Variants in NMNAT3 observed in about 807,000 individuals in gnomAD.
NMNAT3 encodes the protein nicotinamide nucleotide adenylyltransferase 3, also known as nicotinamide/nicotinic acid mononucleotide adenylyltransferase 3.
Under a neutral mutation model 24.8 loss-of-function variants are expected in NMNAT3, and 21 were observed. The ratio of observed to expected loss-of-function variants is 0.85; its 90% CI spans 0.60 to 1.22. The LOEUF is 1.22. NMNAT3 is among the 50% of genes most tolerant of loss of function. NMNAT3 has a pLI of 0.00. For missense variants in NMNAT3, 387 were observed against 436.6 expected, an observed-to-expected ratio of 0.89 and a Z score of 1.01; for synonymous variants, 136 against 155.2, an observed-to-expected ratio of 0.88 and a Z score of 0.92.
At chr3:139,621,586 G>A (rs2055776229) in intron 3 of NMNAT3, among the ~76,000 whole-genome samples, 1 of 152,104 alleles carries the variant, frequency 6.6e-6, no homozygotes, top group Admixed American at 6.5e-5. Context: ...TGGCCAGGTT[G>A]GTCTTCAACT....
intron 6 of NMNAT3, chr3:139,570,172 G>A (rs575272433): frequency 1.6e-4 from 24 of 152,200 alleles, no homozygotes; most frequent in African/African-American, 5.5e-4. Flanking sequence ...GGTAGCTCTC[G>A]TGCCTTGGTT....
chr3:139,612,252 A>G (rs1026951630), intron 3 of NMNAT3, among the ~76,000 whole-genome samples: 6 of 152,058 alleles, frequency 3.9e-5, no homozygotes, highest in Non-Finnish European at 5.9e-5. Context: ...AAATCAGGGA[A>G]CCGAGTCTAA....
chr3:139,610,519 C>A (rs577940775), intron 3 of NMNAT3, among the ~76,000 whole-genome samples: 201 of 152,288 alleles, frequency 1.3e-3, no homozygotes, highest in Non-Finnish European at 2.3e-3. Flanking sequence ...CCAGAAAAAT[C>A]TTTTAAGTTA....
chr3:139,579,126 A>G, intron 4 of NMNAT3, 71 bp from the exon 5 acceptor site: 1 of 1,334,658 alleles, frequency 7.5e-7, no homozygotes. Flanking sequence ...GAATTCAGGC[A>G]GGTGCTAAAT....
At chr3:139,606,922 C>T (rs927920976) in intron 3 of NMNAT3, among the ~76,000 whole-genome samples, 25 of 152,176 alleles carry the variant, frequency 1.6e-4, no homozygotes, top group African/African-American at 5.3e-4. Context: ...TTACATTCTC[C>T]CATCATTTAA....
chr3:139,646,071 G>A (rs2056860909), intron 1 of NMNAT3, among the ~76,000 whole-genome samples: 1 of 152,156 alleles, frequency 6.6e-6, no homozygotes, highest in East Asian at 1.9e-4. Flanking sequence ...AAAGCAACTT[G>A]CCTTTGGGAT....
intron 3 of NMNAT3, among the ~76,000 whole-genome samples, chr3:139,605,401 C>A (rs2054898172): frequency 6.6e-6 from 1 of 152,052 alleles, no homozygotes; most frequent in Non-Finnish European, 1.5e-5. Flanking sequence ...AGGGTATAAA[C>A]CCACTTCACA....
At chr3:139,597,828 G>C (rs1462401110) in intron 3 of NMNAT3, among the ~76,000 whole-genome samples, 1 of 152,164 alleles carries the variant, frequency 6.6e-6, no homozygotes, top group Non-Finnish European at 1.5e-5. Flanking sequence ...TCCTCTGCCT[G>C]TGCTATCTAC....
At chr3:139,593,443 G>C (rs2054295818) in intron 3 of NMNAT3, among the ~76,000 whole-genome samples, 1 of 152,140 alleles carries the variant, frequency 6.6e-6, no homozygotes, top group African/African-American at 2.4e-5. Context: ...ATTGAACTCA[G>C]CTCTGCACCA....
chr3:139,667,039 T>C (rs150094387), intron 1 of NMNAT3, among the ~76,000 whole-genome samples: 42 of 152,354 alleles, frequency 2.8e-4, no homozygotes, highest in African/African-American at 9.4e-4. Flanking sequence ...TTGGCTATTA[T>C]GAATAGTACC....
intron 3 of NMNAT3, among the ~76,000 whole-genome samples, chr3:139,606,842 G>A (rs940833333): frequency 6.6e-6 from 1 of 152,048 alleles, no homozygotes; most frequent in African/African-American, 2.4e-5. Context: ...TTCTCATTAT[G>A]TATTTTGTTC....
intron 3 of NMNAT3, chr3:139,599,320 G>A: frequency 1.4e-6 from 1 of 702,484 alleles, no homozygotes; most frequent in Non-Finnish European, 2.6e-6. Flanking sequence ...CAGTTCTGGG[G>A]CTTTTGCTGG....
intron 1 of NMNAT3, among the ~76,000 whole-genome samples, chr3:139,661,009 T>C (rs1315215801): frequency 6.6e-6 from 1 of 152,216 alleles, no homozygotes; most frequent in Non-Finnish European, 1.5e-5. Flanking sequence ...GTCCTTTTTT[T>C]GTATCATAAT....
chr3:139,596,926 A>G (rs1394580893), intron 3 of NMNAT3, among the ~76,000 whole-genome samples: 1,460 of 21,032 alleles, frequency 0.069, 94 homozygotes, highest in Non-Finnish European at 0.1. Flanking sequence ...GTATATATAT[A>G]TATATATATA....
rs531121016 is a variant in NMNAT3 at position 139,651,674 on chromosome 3, T to C, written c.-140-13612A>G. ...CATCTGTGGTACAGCTCAGGCTGTG[T>C]GCAGAGCTGGCAGGTCTGAGGGCAG... is the stretch of plus-strand genomic sequence containing the variant. On this transcript the variant is annotated intron_variant, in intron 1 of 6. Transcript: ENST00000643695. 4.6e-5 allele frequency among the ~76,000 whole-genome samples: 7 copies of C among 152,312 alleles called. No individual in the cohort carries two copies. The East Asian group carries it at 1.4e-3, about 29-fold the overall frequency.
intron 1 of NMNAT3, among the ~76,000 whole-genome samples, chr3:139,674,788 C>G (rs2057871562): frequency 6.6e-6 from 1 of 152,100 alleles, no homozygotes; most frequent in Non-Finnish European, 1.5e-5. Flanking sequence ...TTCCTTACCA[C>G]TGTGGAGATC....
Position 139,578,974 on chromosome 3 carries a change from C to T in NMNAT3, c.473G>A (p.Arg158Gln), listed in dbSNP as rs368218373. Residue 158 changes from arginine (R) to glutamine (Q), a missense_variant, in exon 5 of 7, where the codon CGA (arginine) becomes CAA (glutamine). By Grantham distance (43) the Arg-to-Gln change is conservative. This residue lies in a region of NMNAT3 where 323 missense variants were observed against 345.2 expected (regional missense o/e 0.94). Transcript: ENST00000643695. ...CAGGGCCAGCCGGGCCATGGCCACTCGGTGATGAGAAGCTGCGAGGTCTTT... is the reference window on the plus strand; with the variant it reads ...CAGGGCCAGCCGGGCCATGGCCACTTGGTGATGAGAAGCTGCGAGGTCTTT... The T allele has an allele frequency of 6.0e-5, 97 of 1,614,044 alleles. No homozygotes were observed. Among genetic ancestry groups the T allele is most frequent in the Non-Finnish European group, 7.9e-5 (93 of 1,180,040 alleles).
Position 139,561,280 on chromosome 3 carries a change from C to T in NMNAT3, c.771G>A (p.Val257=), listed in dbSNP as rs748038906. 5 of 1,613,994 alleles carry T rather than the reference C, an allele frequency of 3.1e-6. No homozygotes were observed. Among genetic ancestry groups the T allele is most frequent in the Non-Finnish European group, 4.2e-6 (5 of 1,179,972 alleles). ...GGTCGTGACCTACTCGGCCCACGCA[C>T]ACCAAGCCAAACTTCTCCACTATTT... The change falls in exon 7 of 7, where the codon GTG becomes GTA. Residue 257 remains valine, a synonymous_variant. Coordinates refer to ENST00000643695, the MANE Select transcript of NMNAT3 (RefSeq NM_001320510.2).
At chr3:139,627,477 A>G (rs1576682320) in intron 3 of NMNAT3, 139 bp downstream of exon 4, 1 of 571,784 alleles carries the variant, frequency 1.7e-6, no homozygotes, top group Non-Finnish European at 3.1e-6. Flanking sequence ...AACCCTTTGA[A>G]TATGATGAAA....
Sources: allele counts gnomAD v4.1 joint callset (sites outside exome capture counted in the v4.1 genomes callset), GRCh38; gene constraint gnomAD v4.1.1; regional missense constraint gnomAD v4.1.1; transcripts MANE v1.5; gene names NCBI Gene and HGNC (gene_info 2026-07-23, HGNC 2026-07-21).